The following SLC9A9 variants were observed in gnomAD, a reference collection of about 807,000 sequenced individuals.
SLC9A9 encodes the protein solute carrier family 9 member A9, also known as sodium/hydrogen exchanger 9.
In SLC9A9, 62 loss-of-function variants were observed where a neutral mutation model predicts 77.8. The observed-to-expected ratio is 0.80, with a 90% CI of 0.65 to 0.98. The LOEUF is 0.98. Ranked by LOEUF, SLC9A9 falls within the 50% of genes least tolerant of loss-of-function variation. The pLI, the probability that SLC9A9 is intolerant of heterozygous loss-of-function variation, is 0.00. For synonymous variants in SLC9A9, 320 were observed against 283.5 expected, an observed-to-expected ratio of 1.13 and a Z score of -1.29; for missense variants, 775 against 774.9, an observed-to-expected ratio of 1.00 and a Z score of 0.00.
At chr3:143,627,413 T>C in intron 6 of SLC9A9, 1 of 223,398 alleles carries the variant, frequency 4.5e-6, no homozygotes, top group Non-Finnish European at 9.5e-6. Context: ...CTCTGAATGT[T>C]CCTCAGCCAC....
chr3:143,547,988 A>C (rs533006072), intron 9 of SLC9A9, among the ~76,000 whole-genome samples: 2 of 152,380 alleles, frequency 1.3e-5, no homozygotes, highest in Non-Finnish European at 2.9e-5. Context: ...TGTTCAATGC[A>C]TGAATGGAAT....
At chr3:143,410,084 C>T (rs1025084742) in intron 12 of SLC9A9, among the ~76,000 whole-genome samples, 6 of 152,198 alleles carry the variant, frequency 3.9e-5, no homozygotes, top group African/African-American at 1.4e-4. Flanking sequence ...TCTCTTTCTA[C>T]CCCTTAACTC....
chr3:143,701,892 A>G (rs1933811354), intron 4 of SLC9A9, among the ~76,000 whole-genome samples: 1 of 152,206 alleles, frequency 6.6e-6, no homozygotes. Context: ...AGTCAAGGAT[A>G]AAGAAAGGAC....
At chr3:143,312,655 A>C (rs1408957316) in intron 14 of SLC9A9, among the ~76,000 whole-genome samples, 1 of 152,212 alleles carries the variant, frequency 6.6e-6, no homozygotes, top group African/African-American at 2.4e-5. Context: ...ACTCTCTCCT[A>C]GGGTAGCATC....
chr3:143,694,421 T>C (rs1273739575), intron 4 of SLC9A9, among the ~76,000 whole-genome samples: 1 of 152,148 alleles, frequency 6.6e-6, no homozygotes, highest in Non-Finnish European at 1.5e-5. Context: ...CAGAATTGTT[T>C]TAAGGATTAA....
chr3:143,827,315 A>G (rs1229231180), intron 2 of SLC9A9, among the ~76,000 whole-genome samples: 1 of 152,238 alleles, frequency 6.6e-6, no homozygotes, highest in African/African-American at 2.4e-5. Flanking sequence ...ACAGAGCAAC[A>G]TGGTCTTGTT....
chr3:143,614,446 G>T (rs939616997), intron 6 of SLC9A9, among the ~76,000 whole-genome samples: 1 of 152,100 alleles, frequency 6.6e-6, no homozygotes, highest in Non-Finnish European at 1.5e-5. Flanking sequence ...GGATATGTCC[G>T]GCTTGGGGGA....
chr3:143,603,836 A>C (rs1259136679), intron 6 of SLC9A9, among the ~76,000 whole-genome samples: 1 of 152,212 alleles, frequency 6.6e-6, no homozygotes, highest in Non-Finnish European at 1.5e-5. Flanking sequence ...TGACGTGAGT[A>C]TTTTAGCAGT....
chr3:143,363,438 C>A, intron 14 of SLC9A9, 46 bp downstream of exon 14: 1 of 1,561,718 alleles, frequency 6.4e-7, no homozygotes, highest in Non-Finnish European at 8.8e-7. Context: ...TAAAGTAATT[C>A]TCTGCCTGCA....
intron 12 of SLC9A9, among the ~76,000 whole-genome samples, chr3:143,444,194 C>T (rs949172788): frequency 6.6e-6 from 1 of 152,330 alleles, no homozygotes; most frequent in South Asian, 2.1e-4. Flanking sequence ...GGAAATGAAG[C>T]TCAACACCCC....
chr3:143,411,175 AAC>A (rs2034090584), intron 12 of SLC9A9, among the ~76,000 whole-genome samples: 1 of 152,198 alleles, frequency 6.6e-6, no homozygotes, highest in Non-Finnish European at 1.5e-5. Flanking sequence ...ATCAGTAAGT[AAC>A]CTGTTCTATC....
chr3:143,575,839 A>G (rs1280448713), intron 7 of SLC9A9, among the ~76,000 whole-genome samples: 1 of 152,202 alleles, frequency 6.6e-6, no homozygotes, highest in Non-Finnish European at 1.5e-5. Context: ...CCTCAGAATG[A>G]AATGGGTAGG....
intron 12 of SLC9A9, among the ~76,000 whole-genome samples, chr3:143,401,926 T>G (rs1486281908): frequency 6.6e-6 from 1 of 152,184 alleles, no homozygotes; most frequent in African/African-American, 2.4e-5. Context: ...TCAGAAGTCT[T>G]TCTAGAAGCT....
intron 4 of SLC9A9, among the ~76,000 whole-genome samples, chr3:143,779,834 A>G (rs1352162401): frequency 3.3e-5 from 5 of 152,256 alleles, no homozygotes; most frequent in Non-Finnish European, 7.3e-5. Context: ...ATTAGAGTAG[A>G]CGTCCTATGT....
chr3:143,555,350 T>C (rs1489345501), intron 8 of SLC9A9, among the ~76,000 whole-genome samples: 1 of 152,174 alleles, frequency 6.6e-6, no homozygotes, highest in East Asian at 1.9e-4. Context: ...TGAACATATC[T>C]TTATCAGCAG....
In SLC9A9 at chr3:143,611,133, T is replaced by A. The variant is rs1423490246; in HGVS notation, c.756-32410A>T. Reference sequence around the variant, plus strand: ...AATTTCAGAAAAACAAAAAAGCTTTTAGAAATAAAAATACAAGGATTGAAA... The same window carrying A: ...AATTTCAGAAAAACAAAAAAGCTTTAAGAAATAAAAATACAAGGATTGAAA... On this transcript the variant is annotated intron_variant, in intron 6 of 15. Coordinates refer to ENST00000316549, the MANE Select transcript of SLC9A9 (RefSeq NM_173653.4). Among the ~76,000 whole-genome samples the A allele has an allele frequency of 2.0e-5, 3 of 152,194 alleles. No individual in the cohort carries two copies. The East Asian group carries it at 5.8e-4, about 29-fold the overall frequency.
intron 2 of SLC9A9, among the ~76,000 whole-genome samples, chr3:143,805,603 T>C (rs927382484): frequency 3.3e-5 from 5 of 152,246 alleles, no homozygotes; most frequent in East Asian, 1.9e-4. Flanking sequence ...CCTTAACTGA[T>C]GACATACCAC....
chr3:143,813,352 C>T (rs370336263), intron 2 of SLC9A9, among the ~76,000 whole-genome samples: 9 of 152,042 alleles, frequency 5.9e-5, no homozygotes, highest in Admixed American at 1.3e-4. Flanking sequence ...ACACACCAGC[C>T]GGGGAGTACT....
At chr3:143,415,656 A>G (rs1460889458) in intron 12 of SLC9A9, among the ~76,000 whole-genome samples, 1 of 152,184 alleles carries the variant, frequency 6.6e-6, no homozygotes, top group South Asian at 2.1e-4. Context: ...CTAGTCACCT[A>G]AGAGCTCTGA....
Sources: gnomAD v4.1 joint callset for allele counts (sites outside exome capture counted in the v4.1 genomes callset) on GRCh38, gnomAD v4.1.1 for gene constraint, MANE v1.5 for transcripts, NCBI Gene and HGNC (gene_info 2026-07-23, HGNC 2026-07-21) for gene names.